Variants in IKZF3 observed in about 807,000 individuals in gnomAD.
IKZF3 encodes the protein zinc finger protein Aiolos.
Under a neutral mutation model 49.0 loss-of-function variants are expected in IKZF3, and 10 were observed. The ratio of observed to expected loss-of-function variants is 0.20; its 90% CI spans 0.13 to 0.35. The LOEUF (loss-of-function observed/expected upper bound fraction) is 0.35, where lower values mean the gene tolerates loss of function less well. Ranked by LOEUF, IKZF3 falls within the 10% of genes least tolerant of loss-of-function variation. The probability of loss-of-function intolerance (pLI) is 1.00; values close to 1 mark genes in which losing one functional copy is unlikely to be tolerated. For synonymous variants in IKZF3, 209 were observed against 228.2 expected, an observed-to-expected ratio of 0.92 and a Z score of 0.76; for missense variants, 498 against 664.8, an observed-to-expected ratio of 0.75 and a Z score of 2.76.
Position 39,832,498 on chromosome 17 carries a change from TATATATATGTAC to T in IKZF3, c.8-359_8-348del, listed in dbSNP as rs1052394262. Among the ~76,000 whole-genome samples, 187 of 150,902 alleles carry T rather than the reference TATATATATGTAC, an allele frequency of 1.2e-3. 1 individual carries two copies. The highest frequency in any genetic ancestry group is 4.0e-3 in the African/African-American group (165 of 40,774). On this transcript the variant is annotated intron_variant, in intron 1 of 7. Transcript: ENST00000346872. ...AAAAAAGAGTTCAAAGTGGTATATATATATATATGTACATATATATGTACATATATATAATGA... is the reference window on the plus strand; with the variant it reads ...AAAAAAGAGTTCAAAGTGGTATATATATATATATGTACATATATATAATGA...
At chr17:39,808,152 A>G (rs1348138183) in intron 3 of IKZF3, among the ~76,000 whole-genome samples, 1 of 152,232 alleles carries the variant, frequency 6.6e-6, no homozygotes, top group Non-Finnish European at 1.5e-5. Flanking sequence ...TTCACCAATG[A>G]TTACAAGAAG....
At chr17:39,824,582 G>A (rs1339963080) in intron 3 of IKZF3, among the ~76,000 whole-genome samples, 7 of 152,110 alleles carry the variant, frequency 4.6e-5, no homozygotes, top group East Asian at 1.9e-4. Context: ...TTATCCCCAC[G>A]TGTTGTGAGA....
intron 1 of IKZF3, among the ~76,000 whole-genome samples, chr17:39,833,187 A>C (rs1161720590): frequency 6.6e-6 from 1 of 152,208 alleles, no homozygotes; most frequent in Non-Finnish European, 1.5e-5. Flanking sequence ...TGCAGATATC[A>C]GTATACCTCA....
intron 3 of IKZF3, among the ~76,000 whole-genome samples, chr17:39,819,520 T>C (rs1941713743): frequency 1.3e-5 from 2 of 152,204 alleles, no homozygotes; most frequent in Non-Finnish European, 2.9e-5. Flanking sequence ...TTTTTCTGTC[T>C]CTGTGGTTAA....
At chr17:39,842,917 T>C (rs2062521559) in intron 1 of IKZF3, among the ~76,000 whole-genome samples, 2 of 152,310 alleles carry the variant, frequency 1.3e-5, no homozygotes, top group South Asian at 2.1e-4. Context: ...TGCCTTCTGA[T>C]AGTGAGTAGA....
intron 6 of IKZF3, among the ~76,000 whole-genome samples, chr17:39,783,916 G>A (rs1182747630): frequency 6.6e-6 from 1 of 151,938 alleles, no homozygotes; most frequent in African/African-American, 2.4e-5. Flanking sequence ...GTGACAGAGT[G>A]AGACTCTGTC....
intron 3 of IKZF3, 60 bp downstream of exon 3, chr17:39,829,327 T>C (rs1029637363): frequency 1.2e-4 from 136 of 1,169,686 alleles, no homozygotes; most frequent in Non-Finnish European, 1.0e-4. Flanking sequence ...ATTTCTTCTC[T>C]ACACTAAGCC....
At chr17:39,827,044 C>T (rs1190725630) in intron 3 of IKZF3, among the ~76,000 whole-genome samples, 1 of 152,208 alleles carries the variant, frequency 6.6e-6, no homozygotes, top group African/African-American at 2.4e-5. Flanking sequence ...GTCACCCAGG[C>T]TGGAGTGCAG....
At chr17:39,837,984 T>G (rs925992197) in intron 1 of IKZF3, among the ~76,000 whole-genome samples, 1 of 152,138 alleles carries the variant, frequency 6.6e-6, no homozygotes. Flanking sequence ...ATATCTTGTG[T>G]TGTTGTTTTC....
At chr17:39,850,644 A>ATATG (rs372434426) in intron 1 of IKZF3, among the ~76,000 whole-genome samples, 2 of 994 alleles carry the variant, frequency 2.0e-3, no homozygotes, top group African/African-American at 3.1e-3. Flanking sequence ...AGCATAAATA[A>ATATG]CATATAGTAT....
rs115732133 is a variant in IKZF3, at chr17:39,807,686, T to C, written c.164-14753A>G. 2.1e-3 allele frequency among the ~76,000 whole-genome samples: 309 copies of C among 147,442 alleles called. 1 individual carries two copies. The highest frequency in any genetic ancestry group is 7.4e-3 in the African/African-American group (295 of 40,050). On this transcript the variant is annotated intron_variant, in intron 3 of 7. Transcript: ENST00000346872. ...ACACAGTGAGATCCCATCTCAAAAA[T>C]TTTAAGAAAAAAGAAATAAAAGAAA...
chr17:39,843,032 T>C (rs2062525057), intron 1 of IKZF3, among the ~76,000 whole-genome samples: 1 of 152,158 alleles, frequency 6.6e-6, no homozygotes, highest in South Asian at 2.1e-4. Flanking sequence ...ACAAAGCAGC[T>C]GGCTTATAAT....
intron 5 of IKZF3, among the ~76,000 whole-genome samples, chr17:39,789,450 C>T (rs2060957533): frequency 6.6e-6 from 1 of 152,188 alleles, no homozygotes; most frequent in Admixed American, 6.5e-5. Context: ...TTAGTCCCAG[C>T]TACTCAGGAG....
intron 1 of IKZF3, among the ~76,000 whole-genome samples, chr17:39,847,559 A>G (rs1399280607): frequency 2.6e-5 from 4 of 152,112 alleles, no homozygotes; most frequent in Non-Finnish European, 5.9e-5. Context: ...AACATACAGG[A>G]TAAGTTATAG....
intron 3 of IKZF3, among the ~76,000 whole-genome samples, chr17:39,798,576 G>C (rs528926231): frequency 6.7e-6 from 1 of 149,442 alleles, no homozygotes; most frequent in Non-Finnish European, 1.5e-5. Flanking sequence ...TGCGATCTCT[G>C]CTCACTGCAA....
Position 39,850,614 on chromosome 17 carries a change from T to G in IKZF3, c.7+13506A>C, listed in dbSNP as rs373277277. On this transcript the variant is annotated intron_variant, in intron 1 of 7. Transcript: ENST00000346872. Reference sequence around the variant, plus strand: ...TGTACATATAATATATAGCCTATTATATATGTATATATAATATATAGCATA... The same window carrying G: ...TGTACATATAATATATAGCCTATTAGATATGTATATATAATATATAGCATA... Among the ~76,000 whole-genome samples the G allele has an allele frequency of 3.8e-5, 4 of 104,674 alleles. No homozygotes were observed. In the East Asian group the frequency reaches 6.7e-4, roughly 17 times the overall value. The allele number at this position is 104,674 out of a possible 152,430, so 68.7% of individuals were successfully genotyped here. A position where few individuals can be genotyped will look rare whatever the true frequency, so the allele number is the denominator to read the frequency against.
chr17:39,827,183 A>G (rs2061979797), intron 3 of IKZF3, among the ~76,000 whole-genome samples: 1 of 152,084 alleles, frequency 6.6e-6, no homozygotes, highest in Admixed American at 6.5e-5. Context: ...TTTTTAGTAG[A>G]GATGGGGTTT....
intron 1 of IKZF3, among the ~76,000 whole-genome samples, chr17:39,845,531 GAAA>G (rs71355423): frequency 1.2e-5 from 1 of 83,360 alleles, no homozygotes; most frequent in Non-Finnish European, 2.7e-5. Flanking sequence ...CTCCAAAAAA[GAAA>G]AAAAAAAAAA....
intron 7 of IKZF3, among the ~76,000 whole-genome samples, chr17:39,772,444 C>T (rs1253534644): frequency 6.6e-6 from 1 of 152,174 alleles, no homozygotes; most frequent in African/African-American, 2.4e-5. Context: ...ATCCCTCACT[C>T]TTACTATCAG....
Sources: gnomAD v4.1 joint callset for allele counts (sites outside exome capture counted in the v4.1 genomes callset) on GRCh38, gnomAD v4.1.1 for gene constraint, MANE v1.5 for transcripts, NCBI Gene and HGNC (gene_info 2026-07-23, HGNC 2026-07-21) for gene names.